The following SCN8A variants were observed in gnomAD, a reference collection of about 807,000 sequenced individuals.
The protein encoded by SCN8A is sodium channel protein type 8 subunit alpha.
SCN8A carries 30 observed loss-of-function variants against 184.1 expected under a neutral mutation model. That is an observed-to-expected ratio of 0.16 (90% CI 0.12 to 0.22). The LOEUF is 0.22. Among genes scored for constraint, SCN8A ranks in the 10% least tolerant of loss-of-function variants. The pLI is 1.00. For synonymous variants in SCN8A, 852 were observed against 907.0 expected (o/e 0.94, Z 1.09); for missense variants, 1,057 against 2,498.9 (o/e 0.42, Z 12.30).
At chr12:51,749,208 C>T (rs184750343) in intron 13 of SCN8A, among the ~76,000 whole-genome samples, 4 of 152,280 alleles carry the variant, frequency 2.6e-5, no homozygotes, top group South Asian at 2.1e-4. Context: ...TTTTTGTAGG[C>T]GTGAAAGTTT....
intron 11 of SCN8A, among the ~76,000 whole-genome samples, chr12:51,718,257 G>A (rs553858633): frequency 6.6e-6 from 1 of 152,262 alleles, no homozygotes; most frequent in East Asian, 1.9e-4. Flanking sequence ...CAAGGCAGGA[G>A]GATCACTTGA....
chr12:51,769,856 T>C lies in SCN8A; in HGVS notation c.3373-12T>C, dbSNP rs1324971573. On this transcript the variant is annotated splice_polypyrimidine_tract_variant and intron_variant, in intron 17 of 26. Transcript: ENST00000627620. Reference sequence around the variant, plus strand: ...CAGAGCTGCCTGATCTCCCTTTTCCTTGCGTGTCTAGAAACTAGATGACAC... The same window carrying C: ...CAGAGCTGCCTGATCTCCCTTTTCCCTGCGTGTCTAGAAACTAGATGACAC... The C allele has an allele frequency of 1.3e-6, 2 of 1,563,424 alleles. No individual in the cohort carries two copies. Among genetic ancestry groups the C allele is most frequent in the East Asian group, 4.6e-5 (2 of 43,242 alleles).
In SCN8A at chr12:51,807,592, C is replaced by A; in HGVS notation, c.*163C>A. The A allele has an allele frequency of 1.3e-6, 1 of 761,010 alleles. No individual in the cohort carries two copies. The highest frequency in any genetic ancestry group is 2.1e-6 in the Non-Finnish European group (1 of 468,860). The allele number at this position is 761,010 out of a possible 1,614,324, so 47.1% of individuals were successfully genotyped here. A position where few individuals can be genotyped will look rare whatever the true frequency, so the allele number is the denominator to read the frequency against. ...CCACGTAACACAGCTGCATCTTGAGCAGTGACCTGCCAAGGGCAAAGGACC... is the reference window on the plus strand; with the variant it reads ...CCACGTAACACAGCTGCATCTTGAGAAGTGACCTGCCAAGGGCAAAGGACC... On this transcript the variant is annotated 3_prime_UTR_variant, in exon 27 of 27. Transcript: ENST00000627620. The surrounding 1 kb of genome is among the most constrained non-coding windows in gnomAD (Gnocchi z 4.5).
At position 51,786,589 on chromosome 12, in the gene SCN8A, G is replaced by A. The variant is rs1293470542; in HGVS notation, c.3990G>A (p.Val1330=). 3 of 1,614,196 alleles carry A rather than the reference G, an allele frequency of 1.9e-6. No individual in the cohort carries two copies. In the South Asian group the frequency reaches 3.3e-5, roughly 18 times the overall value. The change falls in exon 22 of 27, where the codon GTG becomes GTA. Residue 1330 remains valine, a synonymous_variant. Transcript: ENST00000627620. ...GCGCCATCCCCTCCATCATGAATGT[G>A]CTGCTGGTGTGTCTCATCTTCTGGC... ...LVGAIPSIMN[V]LLVCLIFWLI... is the part of the protein sequence containing the mutation.
Position 51,689,056 on chromosome 12 carries a change from C to T in SCN8A, c.666C>T (p.Phe222=), listed in dbSNP as rs1941465183. The change falls in exon 6 of 27, where the codon TTC becomes TTT. Residue 222 remains phenylalanine, a synonymous_variant. Transcript: ENST00000627620. ...DLGNVSALRT[F]RVLRALKTIS... ...GCAATGTCTCAGCGCTGAGAACATT[C>T]AGGGTTCTCCGAGCTTTGAAAACTA... 2.5e-6 allele frequency: 4 copies of T among 1,613,710 alleles called. No homozygotes were observed. The highest frequency in any genetic ancestry group is 3.3e-5 in the Admixed American group (2 of 59,932).
chr12:51,776,446 A>T (rs79040567), intron 20 of SCN8A, among the ~76,000 whole-genome samples: 1,606 of 152,342 alleles, frequency 0.011, 27 homozygotes, highest in African/African-American at 0.036. Flanking sequence ...TGTGCCAGTT[A>T]TTAGTAAATA....
chr12:51,682,025 T>C (rs1375177657), intron 2 of SCN8A, among the ~76,000 whole-genome samples: 1 of 152,172 alleles, frequency 6.6e-6, no homozygotes, highest in Non-Finnish European at 1.5e-5. Flanking sequence ...TACTAGTTTG[T>C]TGAGTACTTT....
intron 12 of SCN8A, chr12:51,722,799 T>C (rs992622774): frequency 2.0e-5 from 3 of 152,216 alleles, no homozygotes; most frequent in Admixed American, 2.0e-4. Flanking sequence ...CTTCACAAAA[T>C]CAGTTATCTA....
At chr12:51,740,530 A>C (rs1592137543) in intron 12 of SCN8A, among the ~76,000 whole-genome samples, 1 of 152,138 alleles carries the variant, frequency 6.6e-6, no homozygotes, top group African/African-American at 2.4e-5. Flanking sequence ...GGATATTTCA[A>C]ATTTTTTGAG....
chr12:51,656,608 A>G (rs1486173981), intron 1 of SCN8A, among the ~76,000 whole-genome samples: 1 of 152,214 alleles, frequency 6.6e-6, no homozygotes, highest in Non-Finnish European at 1.5e-5. Flanking sequence ...TTAACCCAAT[A>G]GGAAAAAGTG....
intron 9 of SCN8A, among the ~76,000 whole-genome samples, chr12:51,705,006 A>T (rs1941758843): frequency 6.6e-6 from 1 of 152,042 alleles, no homozygotes; most frequent in Admixed American, 6.6e-5. Context: ...AAAAGATGGG[A>T]TTTCCTTCAA....
intron 2 of SCN8A, 58 bp downstream of exon 2, chr12:51,663,151 A>ATG: frequency 6.4e-7 from 1 of 1,567,426 alleles, no homozygotes; most frequent in Non-Finnish European, 8.7e-7. Flanking sequence ...GCTTAGGGAG[A>ATG]TGGGGGAGAA....
intron 11 of SCN8A, chr12:51,712,953 A>C (rs1317782698): frequency 1.3e-6 from 2 of 1,592,204 alleles, no homozygotes; most frequent in Non-Finnish European, 1.7e-6. Context: ...TGCCAGATCC[A>C]CCTCCACGAC....
At chr12:51,598,588 T>A (rs1939396882) in intron 1 of SCN8A, among the ~76,000 whole-genome samples, 1 of 152,218 alleles carries the variant, frequency 6.6e-6, no homozygotes. Flanking sequence ...CTCAGAAGGC[T>A]CTGTTGACAG....
intron 14 of SCN8A, 33 bp from the exon 15 acceptor site, chr12:51,762,470 T>G (rs952900212): frequency 6.3e-7 from 1 of 1,596,192 alleles, no homozygotes; most frequent in South Asian, 1.1e-5. Flanking sequence ...TTCTACTATT[T>G]ATTTTTCTTA....
Position 51,783,566 on chromosome 12 carries a change from A to G in SCN8A, c.3942+2795A>G, listed in dbSNP as rs146540549. ...CCAGGAAAACTGAAGCACTTGTGCT[A>G]TAGGCAAAGGAATACTTAATGTAGT... On this transcript the variant is annotated intron_variant, in intron 21 of 26. Transcript: ENST00000627620. 3.3e-3 allele frequency among the ~76,000 whole-genome samples: 496 copies of G among 152,346 alleles called. 4 individuals carry two copies. The highest frequency in any genetic ancestry group is 0.011 in the African/African-American group (471 of 41,578).
In SCN8A at chr12:51,789,440, C is replaced by T. The variant is rs148202722; in HGVS notation, c.4419+22C>T. ...AAAGATAGGTCTCCTCCCCTCATTG[C>T]CAGTGGTTGGAAGTCAGCCCAGATA... is the stretch of plus-strand genomic sequence containing the variant. On this transcript the variant is annotated intron_variant, in intron 24 of 26. Transcript: ENST00000627620. 188 of 1,612,668 alleles carry T rather than the reference C, an allele frequency of 1.2e-4. No individual in the cohort carries two copies. In the African/African-American group the frequency reaches 1.5e-3, roughly 13 times the overall value.
At chr12:51,606,727 T>G (rs1841597539) in intron 1 of SCN8A, among the ~76,000 whole-genome samples, 1 of 152,134 alleles carries the variant, frequency 6.6e-6, no homozygotes, top group African/African-American at 2.4e-5. Context: ...GAGCATGGGA[T>G]GTGTTTCCAT....
At chr12:51,673,500 G>A (rs955384876) in intron 2 of SCN8A, among the ~76,000 whole-genome samples, 2 of 152,188 alleles carry the variant, frequency 1.3e-5, no homozygotes, top group Admixed American at 1.3e-4. Context: ...ACTAAAATTA[G>A]TGAATTTTTA....
Sources: gnomAD v4.1 joint callset for allele counts (sites outside exome capture counted in the v4.1 genomes callset) on GRCh38, gnomAD v4.1.1 for gene constraint, Gnocchi (gnomAD v3.1) non-coding constraint, MANE v1.5 for transcripts, NCBI Gene and HGNC (gene_info 2026-07-23, HGNC 2026-07-21) for gene names.